NPAS3: variants seen among roughly 807,000 people sequenced by gnomAD.
NPAS3 encodes the protein neuronal PAS domain-containing protein 3.
A neutral mutation model predicts 73.1 loss-of-function variants in NPAS3; 14 were observed. The observed-to-expected ratio is 0.19, with a 90% CI of 0.13 to 0.30. The LOEUF is 0.30. NPAS3 is among the 10% of genes least tolerant of loss of function. NPAS3 has a pLI of 1.00. For synonymous variants in NPAS3, 620 were observed against 541.5 expected (o/e 1.14, Z -2.01); for missense variants, 1,096 against 1,250.0 (o/e 0.88, Z 1.86).
At chr14:33,153,771 C>T (rs766330994) in intron 2 of NPAS3, among the ~76,000 whole-genome samples, 8 of 152,096 alleles carry the variant, frequency 5.3e-5, no homozygotes, top group African/African-American at 1.4e-4. Flanking sequence ...ACTGGTACTC[C>T]GAGTCCTAAA....
chr14:33,221,599 G>C (rs1170652969), intron 3 of NPAS3, among the ~76,000 whole-genome samples: 1 of 152,106 alleles, frequency 6.6e-6, no homozygotes, highest in Non-Finnish European at 1.5e-5. Flanking sequence ...TGCCTAGAGG[G>C]AGAGCTTGTC....
At chr14:33,017,486 T>A (rs2039436769) in intron 1 of NPAS3, among the ~76,000 whole-genome samples, 1 of 152,122 alleles carries the variant, frequency 6.6e-6, no homozygotes, top group South Asian at 2.1e-4. Context: ...GAGCAAATGA[T>A]CTCCCAGAGA....
At chr14:33,288,570 G>A (rs2041972055) in intron 3 of NPAS3, among the ~76,000 whole-genome samples, 1 of 151,910 alleles carries the variant, frequency 6.6e-6, no homozygotes, top group African/African-American at 2.4e-5. Context: ...AGAACCCAGA[G>A]GCTAAAGAGT....
chr14:33,420,259 A>T (rs1480998221), intron 4 of NPAS3, among the ~76,000 whole-genome samples: 1 of 151,828 alleles, frequency 6.6e-6, no homozygotes, highest in Non-Finnish European at 1.5e-5. Context: ...TTTCAAACAG[A>T]CTCTTCACCC....
intron 5 of NPAS3, among the ~76,000 whole-genome samples, chr14:33,604,160 C>T (rs1049929461): frequency 3.9e-5 from 6 of 152,000 alleles, no homozygotes; most frequent in South Asian, 4.2e-4. Flanking sequence ...TAAACCTGAT[C>T]GTATAAATAA....
At chr14:33,571,277 G>A (rs1005000089) in intron 5 of NPAS3, among the ~76,000 whole-genome samples, 5 of 152,158 alleles carry the variant, frequency 3.3e-5, no homozygotes, top group South Asian at 2.1e-4. Flanking sequence ...AGTGTGAAAC[G>A]AAAGGGCAAT....
At chr14:33,572,090 A>G (rs28444441) in intron 5 of NPAS3, among the ~76,000 whole-genome samples, 19,990 of 152,058 alleles carry the variant, frequency 0.13, 1,504 homozygotes, top group East Asian at 0.29. Context: ...TATTTATTAT[A>G]TTTCCCAAAC....
intron 4 of NPAS3, among the ~76,000 whole-genome samples, chr14:33,549,476 C>T (rs1008429541): frequency 6.6e-6 from 1 of 152,138 alleles, no homozygotes; most frequent in African/African-American, 2.4e-5. Context: ...TCAAGCGATT[C>T]GCCTGCCTCG....
intron 3 of NPAS3, among the ~76,000 whole-genome samples, chr14:33,347,888 T>C (rs2140334524): frequency 6.6e-6 from 1 of 151,910 alleles, no homozygotes; most frequent in East Asian, 1.9e-4. Flanking sequence ...TTTTTTCAAA[T>C]ATTTTCAATC....
chr14:33,226,084 A>G (rs890212933), intron 3 of NPAS3, among the ~76,000 whole-genome samples: 1 of 152,192 alleles, frequency 6.6e-6, no homozygotes, highest in Non-Finnish European at 1.5e-5. Context: ...TGTGTATGTC[A>G]CCGAAAAAAT....
chr14:33,430,321 A>G (rs557840461), intron 4 of NPAS3, among the ~76,000 whole-genome samples: 2 of 152,178 alleles, frequency 1.3e-5, no homozygotes, highest in South Asian at 4.2e-4. Context: ...AGCAAAGAGT[A>G]AAATATTTTC....
intron 3 of NPAS3, among the ~76,000 whole-genome samples, chr14:33,276,721 C>T (rs188131728): frequency 8.6e-5 from 13 of 151,960 alleles, no homozygotes; most frequent in Admixed American, 8.5e-4. Flanking sequence ...TCATACTTGG[C>T]ATATAGAAGG....
chr14:33,024,184 C>T (rs552429358), intron 1 of NPAS3, among the ~76,000 whole-genome samples: 2 of 146,790 alleles, frequency 1.4e-5, no homozygotes, highest in East Asian at 2.0e-4. Flanking sequence ...GTATATTCCC[C>T]CCACCAAGAT....
intron 3 of NPAS3, among the ~76,000 whole-genome samples, chr14:33,351,024 C>T (rs1483541530): frequency 2.0e-5 from 3 of 152,138 alleles, no homozygotes; most frequent in African/African-American, 7.2e-5. Flanking sequence ...AACCTTATTC[C>T]CCCTTTAATA....
chr14:33,593,522 C>A (rs529144555), intron 5 of NPAS3, among the ~76,000 whole-genome samples: 1 of 152,152 alleles, frequency 6.6e-6, no homozygotes, highest in African/African-American at 2.4e-5. Context: ...TCTGCCAGTG[C>A]GCATTTGGGG....
chr14:33,452,366 TAG>T (rs1199106925), intron 4 of NPAS3, among the ~76,000 whole-genome samples: 4 of 152,174 alleles, frequency 2.6e-5, no homozygotes, highest in African/African-American at 7.2e-5. Flanking sequence ...ATAATAGGAT[TAG>T]ATATTTTTAA....
At chr14:33,087,091 T>TTATACAATATAATATTGTATAATATAG (rs1595413333) in intron 2 of NPAS3, among the ~76,000 whole-genome samples, 23 of 109,816 alleles carry the variant, frequency 2.1e-4, no homozygotes, top group Admixed American at 1.6e-3. Flanking sequence ...GTATAATATG[T>TTATACAATATAATATTGTATAATATAG]TATACAATAT....
chr14:33,526,737 G>A (rs973870555), intron 4 of NPAS3, among the ~76,000 whole-genome samples: 7 of 152,032 alleles, frequency 4.6e-5, no homozygotes, highest in Non-Finnish European at 1.0e-4. Flanking sequence ...TCACCTAAGG[G>A]AGTCAGGTCA....
At chr14:33,309,234 G>A (rs2042904958) in intron 3 of NPAS3, among the ~76,000 whole-genome samples, 1 of 152,156 alleles carries the variant, frequency 6.6e-6, no homozygotes, top group Non-Finnish European at 1.5e-5. Flanking sequence ...GGCAGGAGAG[G>A]TTTGTCCCTC....
Sources: gnomAD v4.1 joint callset for allele counts (sites outside exome capture counted in the v4.1 genomes callset) on GRCh38, gnomAD v4.1.1 for gene constraint, MANE v1.5 for transcripts, NCBI Gene and HGNC (gene_info 2026-07-23, HGNC 2026-07-21) for gene names.